Variants in PDE4D observed in about 807,000 individuals in gnomAD.
PDE4D encodes phosphodiesterase 4D, also known as 3',5'-cyclic-AMP phosphodiesterase 4D.
In PDE4D, 24 loss-of-function variants were observed where a neutral mutation model predicts 87.4. That is an observed-to-expected ratio of 0.27 (90% CI 0.20 to 0.39). The LOEUF (loss-of-function observed/expected upper bound fraction) is 0.39. PDE4D is among the 10% of genes least tolerant of loss of function. PDE4D has a pLI of 1.00. For missense variants in PDE4D, 714 were observed against 1,041.0 expected (o/e 0.69, Z 4.32); for synonymous variants, 384 against 383.2 (o/e 1.00, Z -0.02).
At chr5:59,798,290 G>A (rs1031845608) in intron 1 of PDE4D, among the ~76,000 whole-genome samples, 1 of 137,432 alleles carries the variant, frequency 7.3e-6, no homozygotes, top group Admixed American at 7.2e-5. Flanking sequence ...GTGTGTGTGT[G>A]TGTGTGTTTG....
At chr5:60,276,116 G>A (rs1197459889) in intron 1 of PDE4D, among the ~76,000 whole-genome samples, 1 of 152,132 alleles carries the variant, frequency 6.6e-6, no homozygotes, top group Non-Finnish European at 1.5e-5. Context: ...TTATTGAAAG[G>A]AATGTTCTCT....
chr5:60,229,835 C>T (rs1482679452), intron 1 of PDE4D, among the ~76,000 whole-genome samples: 1 of 152,136 alleles, frequency 6.6e-6, no homozygotes, highest in African/African-American at 2.4e-5. Context: ...AATACTTCCA[C>T]AGCTGCAAGC....
chr5:60,462,194 A>T (rs1747001341), intron 1 of PDE4D, among the ~76,000 whole-genome samples: 1 of 152,064 alleles, frequency 6.6e-6, no homozygotes, highest in East Asian at 1.9e-4. Context: ...AGTACTCATG[A>T]CCCTTGAATT....
intron 1 of PDE4D, among the ~76,000 whole-genome samples, chr5:59,232,732 T>C (rs779270090): frequency 1.7e-4 from 26 of 152,016 alleles, no homozygotes; most frequent in Non-Finnish European, 3.4e-4. Context: ...CCCCTATGTT[T>C]ATTGCAGTAC....
chr5:59,758,914 T>C (rs1761622446), intron 1 of PDE4D, among the ~76,000 whole-genome samples: 1 of 152,144 alleles, frequency 6.6e-6, no homozygotes, highest in Non-Finnish European at 1.5e-5. Context: ...TTTATAACCA[T>C]ATGACTTATT....
At chr5:59,535,745 A>AT (rs1206732003) in intron 1 of PDE4D, among the ~76,000 whole-genome samples, 4 of 152,344 alleles carry the variant, frequency 2.6e-5, no homozygotes, top group South Asian at 4.1e-4. Context: ...TTTTATTGAC[A>AT]TAAGATGGGT....
chr5:59,606,112 C>A (rs544199055), intron 1 of PDE4D, among the ~76,000 whole-genome samples: 1 of 152,040 alleles, frequency 6.6e-6, no homozygotes, highest in East Asian at 1.9e-4. Context: ...AAGAGTGTTA[C>A]AGTATTCTCA....
At chr5:59,685,431 T>A (rs298072) in intron 1 of PDE4D, among the ~76,000 whole-genome samples, 64,425 of 151,964 alleles carry the variant, frequency 0.42, 14,294 homozygotes, top group East Asian at 0.69. Flanking sequence ...TATGCACACA[T>A]GGTCTTGCAG....
chr5:59,048,174 A>G (rs1415845296), intron 5 of PDE4D, among the ~76,000 whole-genome samples: 1 of 152,332 alleles, frequency 6.6e-6, no homozygotes, highest in South Asian at 2.1e-4. Flanking sequence ...CTACTGAGGA[A>G]GCTTTTGTCT....
At chr5:59,513,568 T>C (rs554225800) in intron 1 of PDE4D, among the ~76,000 whole-genome samples, 2 of 152,306 alleles carry the variant, frequency 1.3e-5, no homozygotes, top group Non-Finnish European at 2.9e-5. Context: ...TTTGTGCAGT[T>C]CATAACCTTC....
chr5:60,206,508 T>C (rs891965211), intron 1 of PDE4D, among the ~76,000 whole-genome samples: 1 of 152,258 alleles, frequency 6.6e-6, no homozygotes, highest in Admixed American at 6.5e-5. Context: ...TTTGTACTTA[T>C]ACTACACCTT....
chr5:60,068,737 C>T (rs973077691), intron 2 of PDE4D, among the ~76,000 whole-genome samples: 9 of 152,146 alleles, frequency 5.9e-5, no homozygotes, highest in Non-Finnish European at 1.3e-4. Context: ...GCTGGTACTA[C>T]AGGTGTGAGC....
chr5:59,902,614 C>T (rs1048323154), intron 3 of PDE4D, among the ~76,000 whole-genome samples: 3 of 152,074 alleles, frequency 2.0e-5, no homozygotes, highest in Non-Finnish European at 4.4e-5. Flanking sequence ...ATTATATGCT[C>T]TATAACCTAC....
intron 1 of PDE4D, among the ~76,000 whole-genome samples, chr5:60,299,750 C>T (rs1583342943): frequency 6.6e-6 from 1 of 152,196 alleles, no homozygotes; most frequent in South Asian, 2.1e-4. Flanking sequence ...TTTATGGCTG[C>T]ATAGCATTCC....
intron 3 of PDE4D, among the ~76,000 whole-genome samples, chr5:59,917,642 C>T (rs1754211018): frequency 6.6e-6 from 1 of 152,136 alleles, no homozygotes; most frequent in Non-Finnish European, 1.5e-5. Context: ...ATATTTAGGG[C>T]TTCAAATAAT....
At chr5:60,505,842 T>C (rs1222606019) in intron 1 of PDE4D, among the ~76,000 whole-genome samples, 2 of 152,222 alleles carry the variant, frequency 1.3e-5, no homozygotes. Context: ...TTCATACATA[T>C]ATAAATCGAG....
chr5:59,655,941 G>A (rs1400718293), intron 1 of PDE4D, among the ~76,000 whole-genome samples: 1 of 152,132 alleles, frequency 6.6e-6, no homozygotes, highest in Non-Finnish European at 1.5e-5. Flanking sequence ...GGAGTTAAAG[G>A]AATAGTGCCC....
chr5:60,182,316 G>A (rs1484242852), intron 2 of PDE4D, among the ~76,000 whole-genome samples: 1 of 152,200 alleles, frequency 6.6e-6, no homozygotes, highest in African/African-American at 2.4e-5. Flanking sequence ...ATCATTTTCA[G>A]TGTTACCAAA....
chr5:60,411,488 C>A (rs776455330), intron 1 of PDE4D, among the ~76,000 whole-genome samples: 3 of 152,136 alleles, frequency 2.0e-5, no homozygotes, highest in Non-Finnish European at 4.4e-5. Flanking sequence ...TCATTATCAT[C>A]ATCATCATCA....
Sources: gnomAD v4.1 joint callset for allele counts (sites outside exome capture counted in the v4.1 genomes callset) on GRCh38, gnomAD v4.1.1 for gene constraint, MANE v1.5 for transcripts, NCBI Gene and HGNC (gene_info 2026-07-23, HGNC 2026-07-21) for gene names.